Variants in GAS2 observed in about 807,000 individuals in gnomAD.
GAS2 encodes the protein growth arrest-specific protein 2.
GAS2 carries 20 observed loss-of-function variants against 37.5 expected under a neutral mutation model. The observed-to-expected ratio is 0.53, with a 90% confidence interval of 0.37 to 0.77. The LOEUF (loss-of-function observed/expected upper bound fraction) is 0.77, where lower values mean the gene tolerates loss of function less well. Among genes scored for constraint, GAS2 ranks in the 30% least tolerant of loss-of-function variants. GAS2 has a pLI of 0.00. For missense variants in GAS2, 336 were observed against 373.4 expected (o/e 0.90, Z 0.82); for synonymous variants, 144 against 132.2 (o/e 1.09, Z -0.61).
At chr11:22,784,375 T>A (rs1855724330) in intron 7 of GAS2, among the ~76,000 whole-genome samples, 1 of 152,168 alleles carries the variant, frequency 6.6e-6, no homozygotes, top group Non-Finnish European at 1.5e-5. Flanking sequence ...ACTAGTAAAG[T>A]TAACTAAAGT....
At chr11:22,663,201 A>G (rs112848157), upstream of GAS2, among the ~76,000 whole-genome samples, 177 of 152,216 alleles carry the variant, frequency 1.2e-3, 1 homozygote, top group African/African-American at 4.2e-3. Flanking sequence ...GGACCCCATG[A>G]TCCAGTCACC....
chr11:22,674,146 G>A (rs978341715), intron 1 of GAS2, among the ~76,000 whole-genome samples: 4 of 151,996 alleles, frequency 2.6e-5, no homozygotes, highest in Non-Finnish European at 4.4e-5. Flanking sequence ...TGAAGACTCA[G>A]GTTCAAGCCT....
At chr11:22,682,290 A>T (rs1032795196) in intron 2 of GAS2, among the ~76,000 whole-genome samples, 1 of 128,614 alleles carries the variant, frequency 7.8e-6, no homozygotes, top group Non-Finnish European at 1.6e-5. Context: ...TTTTTAATGA[A>T]AGCCATTTTT....
At chr11:22,771,830 A>C (rs975128197) in intron 7 of GAS2, among the ~76,000 whole-genome samples, 1 of 152,176 alleles carries the variant, frequency 6.6e-6, no homozygotes, top group South Asian at 2.1e-4. Flanking sequence ...CATTCACTAC[A>C]TACAAGAGGG....
At chr11:22,734,628 G>T (rs1285450242) in intron 4 of GAS2, among the ~76,000 whole-genome samples, 3 of 151,532 alleles carry the variant, frequency 2.0e-5, no homozygotes, top group African/African-American at 7.3e-5. Context: ...CTATCATTGG[G>T]CTGTTATTTT....
intron 7 of GAS2, among the ~76,000 whole-genome samples, chr11:22,760,299 T>A (rs1042448671): frequency 2.0e-5 from 3 of 152,274 alleles, no homozygotes; most frequent in African/African-American, 7.2e-5. Context: ...CAGTAATTTT[T>A]AAAATGGCCA....
chr11:22,668,516 T>C (rs1435888485), intron 1 of GAS2, among the ~76,000 whole-genome samples: 4 of 151,444 alleles, frequency 2.6e-5, no homozygotes, highest in African/African-American at 4.9e-5. Flanking sequence ...TGTGGTGTTA[T>C]GGACTGTGCT....
intron 7 of GAS2, among the ~76,000 whole-genome samples, chr11:22,806,492 G>C (rs1398348657): frequency 3.9e-5 from 6 of 152,086 alleles, no homozygotes; most frequent in African/African-American, 1.2e-4. Flanking sequence ...GGATCACATG[G>C]TACCTTTATT....
At chr11:22,656,173 T>C (rs1427189772) in intron 1 of GAS2, among the ~76,000 whole-genome samples, 1 of 152,238 alleles carries the variant, frequency 6.6e-6, no homozygotes, top group African/African-American at 2.4e-5. Context: ...CATATACTAG[T>C]TGCTGATGTC....
intron 1 of GAS2, among the ~76,000 whole-genome samples, chr11:22,652,818 G>C (rs1462970154): frequency 6.6e-6 from 1 of 152,142 alleles, no homozygotes; most frequent in Non-Finnish European, 1.5e-5. Flanking sequence ...TGCACCCACT[G>C]TCTGGCACTC....
intron 1 of GAS2, among the ~76,000 whole-genome samples, chr11:22,652,349 C>T (rs553131143): frequency 1.6e-4 from 25 of 152,350 alleles, no homozygotes; most frequent in African/African-American, 6.0e-4. Context: ...CCATTTAAGT[C>T]TGCAGAGATT....
At chr11:22,729,612 A>T (rs1852379475) in intron 4 of GAS2, among the ~76,000 whole-genome samples, 1 of 151,816 alleles carries the variant, frequency 6.6e-6, no homozygotes. Context: ...AAATAAAACC[A>T]TAGAAAAGTG....
upstream of GAS2, among the ~76,000 whole-genome samples, chr11:22,665,773 A>T (rs1211424430): frequency 1.3e-5 from 2 of 152,208 alleles, no homozygotes; most frequent in African/African-American, 4.8e-5. Flanking sequence ...AATATTTTTT[A>T]AATTATATCT....
chr11:22,630,706 G>A (rs941043974), intron 1 of GAS2, among the ~76,000 whole-genome samples: 4 of 152,066 alleles, frequency 2.6e-5, no homozygotes, highest in East Asian at 1.9e-4. Flanking sequence ...CTCTTCCATT[G>A]GTCTATATAT....
At chr11:22,632,828 C>T (rs1858762463) in intron 1 of GAS2, among the ~76,000 whole-genome samples, 2 of 151,252 alleles carry the variant, frequency 1.3e-5, no homozygotes, top group African/African-American at 4.9e-5. Context: ...TTCTTTATTC[C>T]ACATGGTCTA....
chr11:22,676,008 A>T (rs1849411516), intron 2 of GAS2, among the ~76,000 whole-genome samples: 1 of 151,940 alleles, frequency 6.6e-6, no homozygotes, highest in Admixed American at 6.6e-5. Flanking sequence ...TTTTGTATTT[A>T]TTTATTTTTT....
At chr11:22,743,342 G>A (rs1329717103) in intron 5 of GAS2, among the ~76,000 whole-genome samples, 2 of 152,030 alleles carry the variant, frequency 1.3e-5, no homozygotes, top group African/African-American at 4.8e-5. Context: ...CAGAACCTTA[G>A]TGCTGCAGTT....
intron 3 of GAS2, among the ~76,000 whole-genome samples, chr11:22,686,707 G>A (rs1256148937): frequency 1.3e-5 from 2 of 151,350 alleles, no homozygotes; most frequent in Non-Finnish European, 2.9e-5. Flanking sequence ...CAGAGATCAC[G>A]CCATTGCACT....
intron 2 of GAS2, among the ~76,000 whole-genome samples, chr11:22,683,004 C>T (rs1234804380): frequency 1.3e-5 from 2 of 151,470 alleles, no homozygotes; most frequent in Non-Finnish European, 2.9e-5. Flanking sequence ...AACTGAGCTG[C>T]ACACAATTTT....
Sources: allele counts gnomAD v4.1 joint callset (sites outside exome capture counted in the v4.1 genomes callset), GRCh38; gene constraint gnomAD v4.1.1; transcripts MANE v1.5; gene names NCBI Gene and HGNC (gene_info 2026-07-23, HGNC 2026-07-21).